Variants in IGF1R observed in about 807,000 individuals in gnomAD.
The protein encoded by IGF1R is insulin like growth factor 1 receptor.
IGF1R carries 44 observed loss-of-function variants against 144.6 expected under a neutral mutation model. The observed-to-expected ratio is 0.30, with a 90% CI of 0.24 to 0.39. The LOEUF (loss-of-function observed/expected upper bound fraction) is 0.39. Ranked by LOEUF, IGF1R falls within the 10% of genes least tolerant of loss-of-function variation. The probability of loss-of-function intolerance (pLI) is 1.00; values close to 1 mark genes in which losing one functional copy is unlikely to be tolerated. For missense variants in IGF1R, 1,355 were observed against 1,833.7 expected (o/e 0.74, Z 4.77); for synonymous variants, 795 against 722.8 (o/e 1.10, Z -1.60).
intron 1 of IGF1R, among the ~76,000 whole-genome samples, chr15:98,701,646 C>T (rs1483186433): frequency 1.3e-5 from 2 of 152,072 alleles, no homozygotes; most frequent in Non-Finnish European, 2.9e-5. Flanking sequence ...GCCAACCTAT[C>T]CCATATTTTT....
intron 2 of IGF1R, among the ~76,000 whole-genome samples, chr15:98,888,440 T>A (rs5019793): frequency 0.2 from 4,812 of 23,772 alleles, 263 homozygotes; most frequent in African/African-American, 0.36. Context: ...AGAGAGAGAG[T>A]GTGTGTGTGT....
At chr15:98,897,235 C>G in intron 4 of IGF1R, 1 of 307,196 alleles carries the variant, frequency 3.3e-6, no homozygotes, top group South Asian at 4.2e-5. Context: ...ACGTGTGACT[C>G]AGCAGACTCC....
At chr15:98,928,522 T>C (rs1261850595) in intron 13 of IGF1R, among the ~76,000 whole-genome samples, 1 of 152,232 alleles carries the variant, frequency 6.6e-6, no homozygotes, top group Non-Finnish European at 1.5e-5. Flanking sequence ...CTGCTTAGCT[T>C]GGGCTGGGTC....
chr15:98,948,538 C>T, intron 19 of IGF1R, 36 bp from the exon 20 acceptor site: 1 of 1,611,664 alleles, frequency 6.2e-7, no homozygotes, highest in South Asian at 1.1e-5. Context: ...CAGTCCATCC[C>T]TTTCCAAGCT....
intron 4 of IGF1R, chr15:98,897,502 G>A (rs11247380): frequency 0.33 from 51,649 of 154,274 alleles, 9,072 homozygotes; most frequent in East Asian, 0.55. Context: ...AGTTGCTTCT[G>A]AGTTGGATTT....
At chr15:98,882,604 C>T (rs1189562598) in intron 2 of IGF1R, among the ~76,000 whole-genome samples, 1 of 152,138 alleles carries the variant, frequency 6.6e-6, no homozygotes, top group Non-Finnish European at 1.5e-5. Context: ...CCTTTGCATG[C>T]CATAAAGCAG....
At chr15:98,695,842 G>A (rs901548744) in intron 1 of IGF1R, among the ~76,000 whole-genome samples, 4 of 152,242 alleles carry the variant, frequency 2.6e-5, no homozygotes, top group African/African-American at 9.6e-5. Flanking sequence ...AGACCTTTGT[G>A]TGCTGGGTTT....
At chr15:98,908,921 A>G (rs1489634455) in intron 6 of IGF1R, 22 bp downstream of exon 6, 2 of 1,599,356 alleles carry the variant, frequency 1.3e-6, no homozygotes, top group Non-Finnish European at 1.7e-6. Context: ...CATCCAAAAC[A>G]CCGTGGGCCC....
intron 2 of IGF1R, among the ~76,000 whole-genome samples, chr15:98,770,897 A>G (rs907334227): frequency 2.0e-5 from 3 of 152,196 alleles, no homozygotes; most frequent in Non-Finnish European, 2.9e-5. Flanking sequence ...AGGGTCCCCA[A>G]AAGTCACCAC....
intron 2 of IGF1R, among the ~76,000 whole-genome samples, chr15:98,729,650 G>A (rs962800068): frequency 6.6e-6 from 1 of 150,654 alleles, no homozygotes. Context: ...GAACTGTCCC[G>A]TTCCCTGGAG....
At chr15:98,802,914 A>G (rs2056391527) in intron 2 of IGF1R, among the ~76,000 whole-genome samples, 2 of 152,206 alleles carry the variant, frequency 1.3e-5, no homozygotes, top group African/African-American at 4.8e-5. Context: ...GTAATGTTCT[A>G]CTGGTAATTG....
chr15:98,875,410 G>T (rs2013013737), intron 2 of IGF1R, among the ~76,000 whole-genome samples: 1 of 150,778 alleles, frequency 6.6e-6, no homozygotes. Flanking sequence ...CAGGGAAAGG[G>T]TTAAGAAGTT....
chr15:98,759,825 A>T (rs773195794), intron 2 of IGF1R, among the ~76,000 whole-genome samples: 2 of 152,190 alleles, frequency 1.3e-5, no homozygotes, highest in Non-Finnish European at 2.9e-5. Context: ...CTGTGTGGCC[A>T]TCTGAGGTTC....
At chr15:98,904,262 C>T (rs1226898913) in intron 5 of IGF1R, among the ~76,000 whole-genome samples, 1 of 151,954 alleles carries the variant, frequency 6.6e-6, no homozygotes, top group African/African-American at 2.4e-5. Context: ...CCATGTTAGC[C>T]AGTATGGTCT....
intron 8 of IGF1R, among the ~76,000 whole-genome samples, chr15:98,913,487 A>G (rs554742808): frequency 6.6e-6 from 1 of 152,280 alleles, no homozygotes; most frequent in African/African-American, 2.4e-5. Context: ...ACTATCTTCC[A>G]TCATCTCCTG....
At chr15:98,885,816 AT>A (rs3073979) in intron 2 of IGF1R, among the ~76,000 whole-genome samples, 450 of 137,676 alleles carry the variant, frequency 3.3e-3, no homozygotes, top group African/African-American at 6.7e-3. Context: ...TGAGTCTCCT[AT>A]TTTTTTTTTT....
At chr15:98,831,328 C>T (rs1415870255) in intron 2 of IGF1R, among the ~76,000 whole-genome samples, 1 of 152,228 alleles carries the variant, frequency 6.6e-6, no homozygotes, top group Non-Finnish European at 1.5e-5. Context: ...TCCATCTCAC[C>T]ACCCACCTGC....
In IGF1R at chr15:98,924,646, C is replaced by G; in HGVS notation, c.2744C>G (p.Ser915Trp). The G allele has an allele frequency of 6.2e-7, 1 of 1,614,138 alleles. No homozygotes were observed. Among genetic ancestry groups the G allele is most frequent in the East Asian group, 2.2e-5 (1 of 44,888 alleles). ...GCCACATCTCTCTCTGGGAATGGGT[C>G]GTGGACAGATCCTGTGTTCTTCTAT... is the stretch of plus-strand genomic sequence containing the variant. ...IQATSLSGNG[S>W]WTDPVFFYVQ... The change falls in exon 13 of 21, where the codon TCG becomes TGG. Residue 915 changes from serine (S) to tryptophan (W), a missense_variant. Around this residue, in one of 7 missense-constraint regions of IGF1R, gnomAD observed 880 missense variants for 1,202.7 expected, o/e 0.73. Coordinates refer to ENST00000650285, the MANE Select transcript of IGF1R (RefSeq NM_000875.5).
chr15:98,729,968 A>G (rs1404682326), intron 2 of IGF1R, among the ~76,000 whole-genome samples: 1 of 152,206 alleles, frequency 6.6e-6, no homozygotes, highest in Non-Finnish European at 1.5e-5. Flanking sequence ...ATGGGATCAC[A>G]AGGGCCTATT....
Sources: gnomAD v4.1 joint callset for allele counts (sites outside exome capture counted in the v4.1 genomes callset) on GRCh38, gnomAD v4.1.1 for gene constraint, gnomAD v4.1.1 regional missense constraint, MANE v1.5 for transcripts, NCBI Gene and HGNC (gene_info 2026-07-23, HGNC 2026-07-21) for gene names.